BLTP2: variants seen among roughly 807,000 people sequenced by gnomAD.
BLTP2 encodes the protein U937-associated antigen.
At chr17:28,618,892 G>A in the BLTP2 span, 11 of 1,614,050 alleles carry the variant, frequency 6.8e-6, no homozygotes, top group Admixed American at 3.3e-5. Flanking sequence ...AACTCAGTGC[G>A]ACGGACCACA....
chr17:28,619,877 T>C, the BLTP2 span: 1 of 1,613,984 alleles, frequency 6.2e-7, no homozygotes, highest in Non-Finnish European at 8.5e-7. Flanking sequence ...ATAGAATACA[T>C]CTGCTTCTCC....
chr17:28,624,013 T>A, the BLTP2 span: 1 of 1,564,288 alleles, frequency 6.4e-7, no homozygotes, highest in Non-Finnish European at 8.8e-7. Flanking sequence ...GACGATGAGG[T>A]TAGTGAGCAC....
chr17:28,627,732 A>G, the BLTP2 span, among the ~76,000 whole-genome samples: 1 of 151,566 alleles, frequency 6.6e-6, no homozygotes, highest in East Asian at 1.9e-4. Flanking sequence ...GTCCTGCTCT[A>G]TCACCTCCAC....
the BLTP2 span, chr17:28,631,888 C>T: frequency 1.9e-6 from 3 of 1,614,124 alleles, no homozygotes; most frequent in Non-Finnish European, 2.5e-6. Context: ...CTGGATGCCC[C>T]GTTGCTGGGC....
the BLTP2 span, chr17:28,638,363 C>T: frequency 4.3e-6 from 7 of 1,614,132 alleles, no homozygotes; most frequent in South Asian, 1.1e-5. Context: ...AGAGGTGGTC[C>T]ACAGTTAGGA....
At chr17:28,640,250 G>A in the BLTP2 span, 35 of 512,970 alleles carry the variant, frequency 6.8e-5, no homozygotes, top group African/African-American at 5.6e-4. Context: ...AAAATTAGCC[G>A]GGCGTGGTGG....
chr17:28,642,605 C>T, the BLTP2 span: 3 of 559,208 alleles, frequency 5.4e-6, no homozygotes, highest in Admixed American at 3.1e-5. Flanking sequence ...GAGCCAAGAC[C>T]GCACCACTGC....
chr17:28,632,941 C>T, the BLTP2 span: 1 of 1,520,528 alleles, frequency 6.6e-7, no homozygotes, highest in Non-Finnish European at 8.8e-7. Context: ...CCAAGCCTCA[C>T]TTCCACTGTG....
chr17:28,635,094 C>T, the BLTP2 span: 2 of 1,612,846 alleles, frequency 1.2e-6, no homozygotes, highest in Admixed American at 1.7e-5. Context: ...AAAAGTCATA[C>T]TGATAAGGAA....
At chr17:28,622,434 G>T in the BLTP2 span, among the ~76,000 whole-genome samples, 1 of 152,072 alleles carries the variant, frequency 6.6e-6, no homozygotes, top group South Asian at 2.1e-4. Flanking sequence ...GTGAAAAGAG[G>T]GATCAGTTTT....
At chr17:28,636,934 G>A in the BLTP2 span, 15 of 1,576,364 alleles carry the variant, frequency 9.5e-6, no homozygotes, top group Admixed American at 2.5e-4. Flanking sequence ...GAAAAAACCA[G>A]CCTGGCCCCA....
chr17:28,628,538 C>T, the BLTP2 span: 7 of 1,613,628 alleles, frequency 4.3e-6, no homozygotes, highest in East Asian at 8.9e-5. Flanking sequence ...AAGGTAGGAT[C>T]CCCATCACGA....
At chr17:28,636,560 G>A in the BLTP2 span, among the ~76,000 whole-genome samples, 2 of 152,182 alleles carry the variant, frequency 1.3e-5, no homozygotes, top group Non-Finnish European at 2.9e-5. Context: ...GGAAATTGGT[G>A]ACAGTATAAT....
chr17:28,632,774 A>G, the BLTP2 span, among the ~76,000 whole-genome samples: 2 of 152,016 alleles, frequency 1.3e-5, no homozygotes, highest in African/African-American at 4.8e-5. Context: ...AAGGACTAAG[A>G]CACCAACCCT....
the BLTP2 span, chr17:28,618,918 T>C: frequency 6.2e-7 from 1 of 1,614,198 alleles, no homozygotes; most frequent in Non-Finnish European, 8.5e-7. Flanking sequence ...ATCTTCTTGC[T>C]GCTTTCGCAG....
the BLTP2 span, chr17:28,638,265 G>C: frequency 6.2e-7 from 1 of 1,612,252 alleles, no homozygotes; most frequent in Non-Finnish European, 8.5e-7. Context: ...TAGTGTGAAG[G>C]AGTCCAGAAC....
the BLTP2 span, among the ~76,000 whole-genome samples, chr17:28,618,336 C>T: frequency 6.6e-6 from 1 of 151,982 alleles, no homozygotes; most frequent in African/African-American, 2.4e-5. Context: ...ACTGCAGGCT[C>T]GAACTCCAGG....
At chr17:28,623,991 T>C in the BLTP2 span, 3 of 1,607,006 alleles carry the variant, frequency 1.9e-6, no homozygotes, top group Admixed American at 5.0e-5. Flanking sequence ...GAAGCAGAGT[T>C]AAGCTACCAA....
the BLTP2 span, chr17:28,638,286 C>T: frequency 1.2e-6 from 2 of 1,613,028 alleles, no homozygotes; most frequent in Non-Finnish European, 8.5e-7. Flanking sequence ...AAGTGCCTCA[C>T]CCCAAACATG....
Sources: gnomAD v4.1 joint callset for allele counts (sites outside exome capture counted in the v4.1 genomes callset) on GRCh38, gnomAD v4.1.1 for gene constraint, MANE v1.5 for transcripts, NCBI Gene and HGNC (gene_info 2026-07-23, HGNC 2026-07-21) for gene names.